The following KRT38 variants were observed in gnomAD, a reference collection of about 807,000 sequenced individuals.
KRT38 encodes the protein keratin 38.
KRT38 carries 45 observed loss-of-function variants against 43.1 expected under a neutral mutation model. The observed-to-expected ratio is 1.04, with a 90% CI of 0.82 to 1.34. The LOEUF is 1.34. Among genes scored for constraint, KRT38 ranks in the 40% most tolerant of loss-of-function variants. The pLI, the probability that KRT38 is intolerant of heterozygous loss-of-function variation, is 0.00. For missense variants in KRT38, 627 were observed against 586.2 expected, an observed-to-expected ratio of 1.07 and a Z score of -0.72; for synonymous variants, 258 against 244.0, an observed-to-expected ratio of 1.06 and a Z score of -0.53.
chr17:41,439,205 G>T lies in KRT38; in HGVS notation c.730C>A (p.Gln244Lys). Residue 244 changes from glutamine (Q) to lysine (K), a missense_variant and splice_region_variant, in exon 3 of 7, where the codon CAG becomes AAG. Coordinates refer to ENST00000246646, the MANE Select transcript of KRT38 (RefSeq NM_006771.4). Reference protein sequence around the residue: ...EQLSLKSNHEQEVKILRSQLG... With the variant: ...EQLSLKSNHEKEVKILRSQLG... ...AGTTTGAGCGCCCAGGGCCACACCT[G>T]CTCGTGGTTGCTCTTGAGGGAGAGC... 1 of 1,613,612 alleles carries T rather than the reference G, an allele frequency of 6.2e-7. No homozygotes were observed. The highest frequency in any genetic ancestry group is 8.5e-7 in the Non-Finnish European group (1 of 1,179,824).
chr17:41,439,352 T>A lies in KRT38; in HGVS notation c.583A>T (p.Ser195Cys), dbSNP rs771963190. ...ACCAGCTGGCGCAGGGAGCGCTCAC[T>A]CTCCAGCCTTTCATCACAGGAGGTA... ...AADDFRIKLE[S>C]ERSLRQLVEA... is the part of the protein sequence containing the mutation. Residue 195 changes from serine to cysteine, a missense_variant, in exon 3 of 7, where the codon AGT becomes TGT. By Grantham distance (112) the Ser-to-Cys change is moderately radical (BLOSUM62 -1). Coordinates refer to ENST00000246646, the MANE Select transcript of KRT38 (RefSeq NM_006771.4). The A allele has an allele frequency of 4.3e-6, 7 of 1,613,712 alleles. No homozygotes were observed. The highest frequency in any genetic ancestry group is 1.7e-6 in the Non-Finnish European group (2 of 1,179,930).
rs531937453 is a variant in KRT38 at position 41,438,774 on chromosome 17, G to A, written c.817C>T (p.Leu273=). The part of the protein sequence containing the change: ...IEPTIDLNRV[L]GEMRAQYEAM... ...TCATACTGAGCCCGCATCTCCCCCAGCACCCTGTTCAGGTCAATGGTGGGC... is the reference window on the plus strand; with the variant it reads ...TCATACTGAGCCCGCATCTCCCCCAACACCCTGTTCAGGTCAATGGTGGGC... The change falls in exon 4 of 7, where the codon CTG becomes TTG. Residue 273 remains leucine (L), a synonymous_variant. Coordinates refer to ENST00000246646, the MANE Select transcript of KRT38 (RefSeq NM_006771.4). The A allele has an allele frequency of 1.0e-4, 164 of 1,613,748 alleles. No individual in the cohort carries two copies. The highest frequency in any genetic ancestry group is 1.6e-4 in the Middle Eastern group (1 of 6,084).
rs772051444 is a variant in KRT38, at chr17:41,438,189, C to T, written c.1145G>A (p.Arg382Gln). 18 of 1,614,036 alleles carry T rather than the reference C, an allele frequency of 1.1e-5. No homozygotes were observed. The highest frequency in any genetic ancestry group is 5.3e-5 in the African/African-American group (4 of 74,900). ...CAGCACCTGGTACTCCTGGTTTTGCCGCTCCAGGTCGGCCCGGATCTCAGA... is the reference window on the plus strand; with the variant it reads ...CAGCACCTGGTACTCCTGGTTTTGCTGCTCCAGGTCGGCCCGGATCTCAGA... ...QLSEIRADLE[R>Q]QNQEYQVLLD... The change falls in exon 6 of 7, where the codon CGG (arginine) becomes CAG (glutamine). Residue 382 changes from arginine (R) to glutamine (Q), a missense_variant. Transcript: ENST00000246646.
At chr17:41,439,685 CA>C (rs2018773730) in intron 2 of KRT38, among the ~76,000 whole-genome samples, 1 of 152,128 alleles carries the variant, frequency 6.6e-6, no homozygotes, top group South Asian at 2.1e-4. Flanking sequence ...TGTCAGTTAC[CA>C]AAGATAAGCA....
In KRT38 at chr17:41,439,169, C is replaced by T. The variant is rs747508581; in HGVS notation, c.732+34G>A. The T allele has an allele frequency of 2.5e-6, 4 of 1,601,716 alleles. No individual in the cohort carries two copies. The East Asian group carries it at 6.7e-5, about 27-fold the overall frequency. ...GGGGAGCTCCCCTGTCTGCCCAGTG[C>T]CCTCCCCAGGAGTTTGAGCGCCCAG... On this transcript the variant is annotated intron_variant, in intron 3 of 6. Coordinates refer to ENST00000246646, the MANE Select transcript of KRT38 (RefSeq NM_006771.4).
In KRT38 at chr17:41,440,522, C is replaced by T. The variant is rs151215140; in HGVS notation, c.400G>A (p.Ala134Thr). The T allele has an allele frequency of 1.9e-4, 305 of 1,614,098 alleles. No homozygotes were observed. Among genetic ancestry groups the T allele is most frequent in the Non-Finnish European group, 2.4e-4 (285 of 1,180,046 alleles). Residue 134 changes from alanine (A) to threonine (T), a missense_variant, in exon 1 of 7, where the codon GCC becomes ACC. By Grantham distance (58) the Ala-to-Thr change is moderately conservative. Transcript: ENST00000246646. Reference sequence around the variant, plus strand: ...CACTTGCTCCTCTCGAGGAGTGTGGCCTCCAGCTCCGCATTCTCCTGCTCC... The same window carrying T: ...CACTTGCTCCTCTCGAGGAGTGTGGTCTCCAGCTCCGCATTCTCCTGCTCC... ...QLEQENAELE[A>T]TLLERSKCHE...
In KRT38 at chr17:41,440,475, G is replaced by T; in HGVS notation, c.447C>A (p.Pro149=). 6.2e-7 allele frequency: 1 copy of T among 1,614,156 alleles called. No homozygotes were observed. Among genetic ancestry groups the T allele is most frequent in the Non-Finnish European group, 8.5e-7 (1 of 1,180,022 alleles). ...TGGTGTGGAAGTAAGACTGGTAGTC[G>T]GGGCACACGGTGGACTCGTGGCACT... The part of the protein sequence containing the change: ...RSKCHESTVC[P]DYQSYFHTIE... The change falls in exon 1 of 7, where the codon CCC becomes CCA. Residue 149 remains proline (P), a synonymous_variant. Coordinates refer to ENST00000246646, the MANE Select transcript of KRT38 (RefSeq NM_006771.4).
In KRT38 at chr17:41,440,549, G is replaced by A; in HGVS notation, c.373C>T (p.Leu125=). The A allele has an allele frequency of 6.2e-7, 1 of 1,614,246 alleles. No individual in the cohort carries two copies. The highest frequency in any genetic ancestry group is 8.5e-7 in the Non-Finnish European group (1 of 1,180,052). The stretch of plus-strand genomic sequence containing the variant: ...TCCAGCTCCGCATTCTCCTGCTCCA[G>A]CTGGCGCACCTTCTCCAGGTAGTTG... The part of the protein sequence containing the change: ...LANYLEKVRQ[L]EQENAELEAT... The change falls in exon 1 of 7, where the codon CTG becomes TTG. Residue 125 remains leucine, a synonymous_variant. Coordinates refer to ENST00000246646, the MANE Select transcript of KRT38 (RefSeq NM_006771.4).
rs746326510 is a variant in KRT38 at position 41,438,100 on chromosome 17, C to A, written c.1234G>T (p.Asp412Tyr). 1 of 1,614,078 alleles carries A rather than the reference C, an allele frequency of 6.2e-7. No homozygotes were observed. Among genetic ancestry groups the A allele is most frequent in the Admixed American group, 1.7e-5 (1 of 60,026 alleles). ...TGCCCAGATCACACGTACTTGCAGT[C>A]CTCGCTTTCCAGAAGGTTCCGGTAC... ...ATYRNLLESE[D>Y]CKLPCNPCST... The change falls in exon 6 of 7, where the codon GAC becomes TAC. Residue 412 changes from aspartate (D) to tyrosine (Y), a missense_variant. Transcript: ENST00000246646.
Position 41,440,191 on chromosome 17 carries a change from G to A in KRT38, c.545C>T (p.Ala182Val). The change falls in exon 2 of 7, where the codon GCC (alanine) becomes GTC (valine). Residue 182 changes from alanine to valine, a missense_variant. Ala to Val is a moderately conservative substitution (Grantham distance 64, BLOSUM62 0). Coordinates refer to ENST00000246646, the MANE Select transcript of KRT38 (RefSeq NM_006771.4). Reference protein sequence around the residue: ...NARLIVQIDNAKLAADDFRIK... With the variant: ...NARLIVQIDNVKLAADDFRIK... ...CCTAAAGTCATCGGCAGCCAGCTTG[G>A]CATTGTCAATTTGTACAATCAGCCT... is the stretch of plus-strand genomic sequence containing the variant. 6.2e-7 allele frequency: 1 copy of A among 1,614,198 alleles called. No individual in the cohort carries two copies. Among genetic ancestry groups the A allele is most frequent in the Non-Finnish European group, 8.5e-7 (1 of 1,180,030 alleles).
chr17:41,440,052 A>G, intron 2 of KRT38, 109 bp downstream of exon 2: 2 of 909,048 alleles, frequency 2.2e-6, no homozygotes, highest in South Asian at 3.0e-5. Context: ...TTTACTGTAG[A>G]GAATCTAGCA....
intron 2 of KRT38, 60 bp downstream of exon 2, chr17:41,440,101 T>C (rs747642844): frequency 1.8e-5 from 24 of 1,305,676 alleles, no homozygotes; most frequent in Non-Finnish European, 2.4e-5. Flanking sequence ...CAACAAGTAT[T>C]TGGGCATTGG....
rs148366219 is a variant in KRT38, at chr17:41,440,756, G to A, written c.166C>T (p.Arg56Cys). ...CGGCCCAGGGGAGTGGACCCCACAC[G>A]GACTCGGTTGGCATGTGCCACGTTG... is the stretch of plus-strand genomic sequence containing the variant. ...LANVAHANRV[R>C]VGSTPLGRPS... Residue 56 changes from arginine to cysteine, a missense_variant, in exon 1 of 7, where the codon CGT becomes TGT. Arg to Cys is a radical substitution (Grantham distance 180, BLOSUM62 -3). Transcript: ENST00000246646. 113 of 1,613,706 alleles carry A rather than the reference G, an allele frequency of 7.0e-5. 1 individual carries two copies. Among genetic ancestry groups the A allele is most frequent in the African/African-American group, 3.7e-4 (28 of 75,062 alleles).
rs763055675 is a variant in KRT38 at position 41,440,348 on chromosome 17, G to A, written c.492+82C>T. On this transcript the variant is annotated intron_variant, in intron 1 of 6. Coordinates refer to ENST00000246646, the MANE Select transcript of KRT38 (RefSeq NM_006771.4). ...GTCCAAGAGAAACCAAGAACCCAAA[G>A]TTCTCTGAGCTTTACATGGATTCCT... The A allele has an allele frequency of 1.1e-5, 17 of 1,597,362 alleles. No homozygotes were observed. In the South Asian group the frequency reaches 1.7e-4, roughly 16 times the overall value.
At chr17:41,438,336 A>G (rs780961137) in intron 5 of KRT38, 23 bp from the exon 6 acceptor site, 2 of 1,609,624 alleles carry the variant, frequency 1.2e-6, no homozygotes, top group Non-Finnish European at 1.7e-6. Flanking sequence ...ATAAGGGGAT[A>G]AAATATACAA....
intron 2 of KRT38, 76 bp from the exon 3 acceptor site, chr17:41,439,435 C>T: frequency 6.6e-7 from 1 of 1,516,530 alleles, no homozygotes; most frequent in Non-Finnish European, 9.0e-7. Context: ...TTCCTACCTC[C>T]CACACCACCT....
At position 41,438,149 on chromosome 17, in the gene KRT38, G is replaced by A. The variant is rs200229403; in HGVS notation, c.1185C>T (p.Thr395=). 1 of 1,614,122 alleles carries A rather than the reference G, an allele frequency of 6.2e-7. No individual in the cohort carries two copies. Among genetic ancestry groups the A allele is most frequent in the East Asian group, 2.2e-5 (1 of 44,878 alleles). ...QEYQVLLDVK[T]RLENEIATYR... ...ACGTGGCAATCTCATTCTCCAGCCG[G>A]GTCTTCACGTCCAGCAGCACCTGGT... The change falls in exon 6 of 7, where the codon ACC becomes ACT. Residue 395 remains threonine (T), a synonymous_variant. Coordinates refer to ENST00000246646, the MANE Select transcript of KRT38 (RefSeq NM_006771.4).
Position 41,438,505 on chromosome 17 carries a change from C to T in KRT38, c.1006G>A (p.Ala336Thr), listed in dbSNP as rs2018756488. Residue 336 changes from alanine (A) to threonine (T), a missense_variant, in exon 5 of 7, where the codon GCC becomes ACC. By Grantham distance (58) the Ala-to-Thr change is moderately conservative. Coordinates refer to ENST00000246646, the MANE Select transcript of KRT38 (RefSeq NM_006771.4). ...TVNALEVERQ[A>T]QHTLKDCLQN... is the part of the protein sequence containing the mutation. ...AGGACACGTACCAAGGTGTGCTGGG[C>T]TTGGCGCTCCACCTCCAGGGCATTC... The T allele has an allele frequency of 2.5e-6, 4 of 1,614,176 alleles. No individual in the cohort carries two copies. In the East Asian group the frequency reaches 8.9e-5, roughly 36 times the overall value.
Position 41,440,941 on chromosome 17 carries a change from A to T in KRT38, c.-20T>A. ...GGTCATGGTGTTGGGCTGAGGCTGC[A>T]CAGGAGCTTCAGATCAGCTGGGAAA... On this transcript the variant is annotated 5_prime_UTR_variant, in exon 1 of 7. Transcript: ENST00000246646. 1 of 1,515,934 alleles carries T rather than the reference A, an allele frequency of 6.6e-7. No individual in the cohort carries two copies. The highest frequency in any genetic ancestry group is 8.8e-7 in the Non-Finnish European group (1 of 1,134,214). The allele number at this position is 1,515,934 out of a possible 1,614,324, so 93.9% of individuals were successfully genotyped here.
Sources: allele counts gnomAD v4.1 joint callset (sites outside exome capture counted in the v4.1 genomes callset), GRCh38; gene constraint gnomAD v4.1.1; transcripts MANE v1.5; gene names NCBI Gene and HGNC (gene_info 2026-07-23, HGNC 2026-07-21).